RAD51B: variants seen among roughly 807,000 people sequenced by gnomAD.
RAD51B encodes RAD51 paralog B.
A neutral mutation model predicts 42.2 loss-of-function variants in RAD51B; 38 were observed. The ratio of observed to expected loss-of-function variants is 0.90; its 90% CI spans 0.70 to 1.18. The LOEUF is 1.18. Ranked by LOEUF, RAD51B falls within the 50% of genes most tolerant of loss-of-function variation. The pLI is 0.00. For missense variants in RAD51B, 373 were observed against 400.7 expected (o/e 0.93, Z 0.59); for synonymous variants, 154 against 145.2 (o/e 1.06, Z -0.43).
intron 10 of RAD51B, among the ~76,000 whole-genome samples, chr14:68,559,128 T>C (rs1889013029): frequency 6.6e-6 from 1 of 151,678 alleles, no homozygotes; most frequent in Non-Finnish European, 1.5e-5. Flanking sequence ...TGCATATATA[T>C]ATATACACAC....
intron 8 of RAD51B, among the ~76,000 whole-genome samples, chr14:68,367,758 G>A (rs942565019): frequency 2.0e-5 from 3 of 152,202 alleles, no homozygotes; most frequent in Non-Finnish European, 4.4e-5. Flanking sequence ...ACTGTTATTC[G>A]TCTTTTAAAG....
chr14:68,097,294 G>A (rs2077212289), intron 7 of RAD51B, among the ~76,000 whole-genome samples: 1 of 147,990 alleles, frequency 6.8e-6, no homozygotes, highest in Non-Finnish European at 1.5e-5. Flanking sequence ...AACTATTTTG[G>A]TTTTTTTTTT....
chr14:67,961,071 A>T (rs371729051), intron 7 of RAD51B, among the ~76,000 whole-genome samples: 2 of 152,038 alleles, frequency 1.3e-5, no homozygotes, highest in Non-Finnish European at 2.9e-5. Flanking sequence ...CAGTGGCATG[A>T]TCATGGCTTA....
intron 5 of RAD51B, among the ~76,000 whole-genome samples, chr14:67,865,535 CT>C (rs34247540): frequency 1.5e-3 from 138 of 89,968 alleles, no homozygotes; most frequent in Admixed American, 3.3e-3. Flanking sequence ...CTGTGCCTGG[CT>C]TTTTTTTTTT....
chr14:67,991,237 C>T (rs1477216541), intron 7 of RAD51B, among the ~76,000 whole-genome samples: 3 of 152,200 alleles, frequency 2.0e-5, no homozygotes, highest in Admixed American at 6.5e-5. Flanking sequence ...TGTAGGTTCT[C>T]TCTCTTTCTT....
intron 10 of RAD51B, among the ~76,000 whole-genome samples, chr14:68,484,101 GTCTCAAACATAGACT>G (rs932541548): frequency 4.6e-5 from 7 of 152,230 alleles, no homozygotes; most frequent in Middle Eastern, 3.4e-3. Context: ...CTTTCTTCAG[GTCTCAAACATAGACT>G]TCGCGTACCC....
At chr14:68,428,049 T>G (rs1396743114) in intron 9 of RAD51B, among the ~76,000 whole-genome samples, 1 of 152,174 alleles carries the variant, frequency 6.6e-6, no homozygotes, top group Non-Finnish European at 1.5e-5. Context: ...TCACCTTCTC[T>G]TTGCCCTTCC....
intron 10 of RAD51B, among the ~76,000 whole-genome samples, chr14:68,554,088 GAGAA>G (rs1395961070): frequency 6.6e-6 from 1 of 152,106 alleles, no homozygotes; most frequent in Non-Finnish European, 1.5e-5. Flanking sequence ...ATTTTCAAAG[GAGAA>G]AACTGAGGCT....
At chr14:67,935,722 G>T (rs1225335057) in intron 7 of RAD51B, among the ~76,000 whole-genome samples, 2 of 152,122 alleles carry the variant, frequency 1.3e-5, no homozygotes, top group Admixed American at 6.5e-5. Context: ...AAGTAGCCCA[G>T]CTGCAGTCTT....
chr14:67,864,284 G>A (rs1204295447), intron 4 of RAD51B, among the ~76,000 whole-genome samples: 1 of 152,118 alleles, frequency 6.6e-6, no homozygotes, highest in African/African-American at 2.4e-5. Flanking sequence ...ATTATTTCCT[G>A]TCTATACTCT....
At chr14:68,240,652 G>T (rs2080364062) in intron 7 of RAD51B, among the ~76,000 whole-genome samples, 1 of 152,168 alleles carries the variant, frequency 6.6e-6, no homozygotes, top group African/African-American at 2.4e-5. Flanking sequence ...CAAAGAAACA[G>T]GTTCTATTCC....
At chr14:68,017,885 G>A (rs762717977) in intron 7 of RAD51B, among the ~76,000 whole-genome samples, 51 of 152,016 alleles carry the variant, frequency 3.4e-4, no homozygotes, top group African/African-American at 1.1e-3. Context: ...GCAGGAGAAT[G>A]ACTTGAACCC....
intron 4 of RAD51B, among the ~76,000 whole-genome samples, chr14:67,845,102 A>C (rs888761953): frequency 6.6e-6 from 1 of 151,940 alleles, no homozygotes; most frequent in African/African-American, 2.4e-5. Context: ...GCTTGTTTAC[A>C]TTCAACGTTA....
At chr14:68,288,759 G>A (rs1486031066) in intron 7 of RAD51B, among the ~76,000 whole-genome samples, 4 of 152,146 alleles carry the variant, frequency 2.6e-5, no homozygotes, top group Non-Finnish European at 5.9e-5. Context: ...TGCATGGTAG[G>A]TATTAAGTAA....
chr14:68,140,970 A>C (rs117120794), intron 7 of RAD51B, among the ~76,000 whole-genome samples: 3,022 of 152,304 alleles, frequency 0.02, 43 homozygotes, highest in Middle Eastern at 0.037. Flanking sequence ...TGACCATATA[A>C]TTTATCATCA....
intron 4 of RAD51B, among the ~76,000 whole-genome samples, chr14:67,862,126 A>C (rs1263687796): frequency 6.6e-6 from 1 of 152,080 alleles, no homozygotes. Context: ...AGAAGAGTAG[A>C]TTTTAAATGT....
At chr14:68,532,586 A>G (rs767526139) in intron 10 of RAD51B, among the ~76,000 whole-genome samples, 1 of 152,238 alleles carries the variant, frequency 6.6e-6, no homozygotes, top group Non-Finnish European at 1.5e-5. Flanking sequence ...ATGACTTGCT[A>G]CCACAAATCA....
At chr14:68,646,242 T>C (rs1402532756) in intron 10 of RAD51B, among the ~76,000 whole-genome samples, 1 of 152,226 alleles carries the variant, frequency 6.6e-6, no homozygotes, top group Non-Finnish European at 1.5e-5. Context: ...ATGCCTGTTT[T>C]CTCACAAAAG....
chr14:67,878,557 A>G (rs1342074234), intron 5 of RAD51B, among the ~76,000 whole-genome samples: 1 of 152,038 alleles, frequency 6.6e-6, no homozygotes, highest in Non-Finnish European at 1.5e-5. Flanking sequence ...TAGTTTTTAA[A>G]GTTTTAATTT....
Sources: allele counts gnomAD v4.1 joint callset (sites outside exome capture counted in the v4.1 genomes callset), GRCh38; gene constraint gnomAD v4.1.1; transcripts MANE v1.5; gene names NCBI Gene and HGNC (gene_info 2026-07-23, HGNC 2026-07-21).